QKI: variants seen among roughly 807,000 people sequenced by gnomAD.
QKI encodes KH domain-containing RNA-binding protein QKI.
In QKI, 10 loss-of-function variants were observed where a neutral mutation model predicts 39.0. That is an observed-to-expected ratio of 0.26 (90% CI 0.16 to 0.43). QKI has a LOEUF of 0.43. QKI is among the 20% of genes least tolerant of loss of function. QKI has a pLI of 1.00. For synonymous variants in QKI, 204 were observed against 155.4 expected (o/e 1.31, Z -2.33); for missense variants, 218 against 428.0 (o/e 0.51, Z 4.33).
rs919114155 is a variant in QKI at position 163,547,228 on chromosome 6, T to G, written c.546+12103T>G. ...GCGTTGAACGACTGACAAAAGAAAT[T>G]CATCTCACAAACTTCTATTGAAAAA... On this transcript the variant is annotated intron_variant, in intron 4 of 7. Coordinates refer to ENST00000361752, the MANE Select transcript of QKI (RefSeq NM_006775.3). Among the ~76,000 whole-genome samples the G allele has an allele frequency of 3.9e-5, 6 of 152,294 alleles. 1 individual carries two copies. The South Asian group carries it at 1.2e-3, about 32-fold the overall frequency.
At chr6:163,424,933 C>T (rs1181406960) in intron 1 of QKI, among the ~76,000 whole-genome samples, 4 of 152,032 alleles carry the variant, frequency 2.6e-5, no homozygotes, top group African/African-American at 9.7e-5. Flanking sequence ...CCCCGGCCTG[C>T]GTCATCTGCT....
Position 163,448,156 on chromosome 6 carries a change from G to C in QKI, c.143-7123G>C, listed in dbSNP as rs540828651. Among the ~76,000 whole-genome samples, 29 of 152,218 alleles carry C rather than the reference G, an allele frequency of 1.9e-4. No homozygotes were observed. In the East Asian group the frequency reaches 5.4e-3, roughly 28 times the overall value. ...ATTGTTACAAAGTTTTTGCTGTTTT[G>C]TATTTTTGCATGTGAAATTTATCGC... On this transcript the variant is annotated intron_variant, in intron 1 of 7. Transcript: ENST00000361752.
At chr6:163,534,005 G>A (rs936182852) in intron 3 of QKI, among the ~76,000 whole-genome samples, 15 of 152,218 alleles carry the variant, frequency 9.9e-5, no homozygotes, top group Non-Finnish European at 2.1e-4. Flanking sequence ...TAAAATAAAG[G>A]TCCAAAAACA....
At position 163,444,536 on chromosome 6, in the gene QKI, G is replaced by T. The variant is rs190014381; in HGVS notation, c.143-10743G>T. Among the ~76,000 whole-genome samples the T allele has an allele frequency of 1.6e-4, 14 of 89,786 alleles. 1 individual carries two copies. In the East Asian group the frequency reaches 5.7e-3, roughly 37 times the overall value. 58.9% of individuals were successfully genotyped at this position (89,786 alleles called of 152,430 possible). On this transcript the variant is annotated intron_variant, in intron 1 of 7. Coordinates refer to ENST00000361752, the MANE Select transcript of QKI (RefSeq NM_006775.3). The stretch of plus-strand genomic sequence containing the variant: ...AGTGTGTGTGTTTTCTTTTAAAGCA[G>T]TATATTAAAGAAAATCTAAAACGTA...
At chr6:163,471,114 T>C (rs567672977) in intron 2 of QKI, among the ~76,000 whole-genome samples, 1 of 152,056 alleles carries the variant, frequency 6.6e-6, no homozygotes, top group Non-Finnish European at 1.5e-5. Flanking sequence ...AACTGAAAAG[T>C]AATGATGAGA....
At chr6:163,494,003 G>A (rs1619863) in intron 3 of QKI, among the ~76,000 whole-genome samples, 119,642 of 152,050 alleles carry the variant, frequency 0.79, 47,229 homozygotes, top group East Asian at 1. Context: ...AATTATACAT[G>A]CAGAATAATT....
At chr6:163,480,280 T>C (rs1054762220) in intron 3 of QKI, among the ~76,000 whole-genome samples, 34 of 152,094 alleles carry the variant, frequency 2.2e-4, no homozygotes, top group African/African-American at 1.4e-4. Flanking sequence ...TCTCTCTCTT[T>C]CTTCCTTCCT....
chr6:163,493,166 T>C (rs1778172169), intron 3 of QKI, among the ~76,000 whole-genome samples: 1 of 150,364 alleles, frequency 6.7e-6, no homozygotes, highest in Non-Finnish European at 1.5e-5. Flanking sequence ...AGTTTTGCTC[T>C]TGTCACTCAG....
intron 3 of QKI, among the ~76,000 whole-genome samples, chr6:163,516,107 T>C (rs529329741): frequency 2.0e-5 from 3 of 152,124 alleles, no homozygotes; most frequent in Admixed American, 6.5e-5. Context: ...GATTAATATT[T>C]GTTTTGTGGG....
intron 2 of QKI, among the ~76,000 whole-genome samples, chr6:163,459,608 T>C (rs1034924005): frequency 6.6e-6 from 1 of 152,234 alleles, no homozygotes; most frequent in African/African-American, 2.4e-5. Flanking sequence ...TTTGAGCATA[T>C]GCTTGCTTTT....
At chr6:163,450,474 C>G (rs986941176) in intron 1 of QKI, among the ~76,000 whole-genome samples, 5 of 152,126 alleles carry the variant, frequency 3.3e-5, no homozygotes, top group African/African-American at 1.2e-4. Context: ...TGAGCTGAGG[C>G]TGTTGAAACA....
At chr6:163,430,406 A>G (rs1450054405) in intron 1 of QKI, among the ~76,000 whole-genome samples, 1 of 151,930 alleles carries the variant, frequency 6.6e-6, no homozygotes, top group Non-Finnish European at 1.5e-5. Context: ...TTTTAATTTT[A>G]ACTATTGTTT....
At chr6:163,491,052 T>C (rs1016346058) in intron 3 of QKI, among the ~76,000 whole-genome samples, 6 of 152,208 alleles carry the variant, frequency 3.9e-5, no homozygotes, top group African/African-American at 1.4e-4. Flanking sequence ...TAAGATGTCA[T>C]GTGATATGGT....
intron 1 of QKI, among the ~76,000 whole-genome samples, chr6:163,418,969 T>TA (rs1304082299): frequency 2.0e-5 from 3 of 152,064 alleles, no homozygotes; most frequent in Non-Finnish European, 2.9e-5. Context: ...GATAGGGAAA[T>TA]AAAAAATGTG....
chr6:163,564,870 T>C (rs891281699), intron 6 of QKI: 8 of 1,386,026 alleles, frequency 5.8e-6, no homozygotes, highest in South Asian at 1.9e-5. Context: ...TGCTGTTGAC[T>C]TTTAGGACTT....
rs1787290024 is a variant in QKI at position 163,414,881 on chromosome 6, C to G, written c.-313C>G. 1 of 145,922 alleles carries G rather than the reference C, an allele frequency of 6.9e-6. No homozygotes were observed. Among genetic ancestry groups the G allele is most frequent in the East Asian group, 2.0e-4 (1 of 4,914 alleles). The allele number at this position is 145,922 out of a possible 1,614,324, so 9.0% of individuals were successfully genotyped here. On this transcript the variant is annotated 5_prime_UTR_variant, in exon 1 of 8. Coordinates refer to ENST00000361752, the MANE Select transcript of QKI (RefSeq NM_006775.3). Reference sequence around the variant, plus strand: ...CGTCCGGCGCCAGCAGCCCGCGCCCCGCGCCCGCACTCGGCCAGCCGAGAC... The same window carrying G: ...CGTCCGGCGCCAGCAGCCCGCGCCCGGCGCCCGCACTCGGCCAGCCGAGAC...
rs566971070 is a variant in QKI, at chr6:163,506,360, G to A, written c.402+27464G>A. 2.0e-5 allele frequency among the ~76,000 whole-genome samples: 3 copies of A among 152,286 alleles called. No individual in the cohort carries two copies. The East Asian group carries it at 5.8e-4, about 29-fold the overall frequency. On this transcript the variant is annotated intron_variant, in intron 3 of 7. Coordinates refer to ENST00000361752, the MANE Select transcript of QKI (RefSeq NM_006775.3). The stretch of plus-strand genomic sequence containing the variant: ...TGTTAAAATTATGATAAGGGAACAA[G>A]ATCAGTCAGTAAAATCCATGTATGG...
intron 4 of QKI, among the ~76,000 whole-genome samples, chr6:163,559,504 T>C (rs1489782023): frequency 6.6e-6 from 1 of 152,224 alleles, no homozygotes; most frequent in African/African-American, 2.4e-5. Context: ...ATTTCGTTTT[T>C]AACAAATAAT....
chr6:163,459,325 A>G (rs1303534332), intron 2 of QKI, among the ~76,000 whole-genome samples: 2 of 152,140 alleles, frequency 1.3e-5, no homozygotes. Flanking sequence ...ATTTGGCAAT[A>G]CTAGAGATAC....
Sources: allele counts gnomAD v4.1 joint callset (sites outside exome capture counted in the v4.1 genomes callset), GRCh38; gene constraint gnomAD v4.1.1; transcripts MANE v1.5; gene names NCBI Gene and HGNC (gene_info 2026-07-23, HGNC 2026-07-21).